The following NPNT variants were observed in gnomAD, a reference collection of about 807,000 sequenced individuals.
NPNT encodes preosteoblast EGF-like repeat protein with MAM domain.
Under a neutral mutation model 68.6 loss-of-function variants are expected in NPNT, and 45 were observed. That is an observed-to-expected ratio of 0.66 (90% CI 0.52 to 0.84). The LOEUF (loss-of-function observed/expected upper bound fraction) is 0.84, where lower values mean the gene tolerates loss of function less well. Among genes scored for constraint, NPNT ranks in the 40% least tolerant of loss-of-function variants. The probability of loss-of-function intolerance (pLI) is 0.00; values close to 1 mark genes in which losing one functional copy is unlikely to be tolerated. For synonymous variants in NPNT, 233 were observed against 253.3 expected (o/e 0.92, Z 0.76); for missense variants, 672 against 714.8 (o/e 0.94, Z 0.68).
intron 10 of NPNT, among the ~76,000 whole-genome samples, chr4:105,966,805 C>T (rs1732180585): frequency 6.6e-6 from 1 of 152,058 alleles, no homozygotes; most frequent in African/African-American, 2.4e-5. Context: ...TTTTACCAAA[C>T]CACCAAGCCA....
At chr4:105,902,465 G>A (rs1408364911) in intron 2 of NPNT, among the ~76,000 whole-genome samples, 2 of 152,152 alleles carry the variant, frequency 1.3e-5, no homozygotes, top group Non-Finnish European at 2.9e-5. Flanking sequence ...AGAATTCTGG[G>A]GCCAGCTTGG....
At chr4:105,916,524 G>A (rs1464924934) in intron 2 of NPNT, among the ~76,000 whole-genome samples, 1 of 151,918 alleles carries the variant, frequency 6.6e-6, no homozygotes, top group African/African-American at 2.4e-5. Context: ...ACCCAGCCAA[G>A]CACATTTATT....
chr4:105,910,065 T>TA (rs112201238), intron 2 of NPNT, among the ~76,000 whole-genome samples: 95 of 144,324 alleles, frequency 6.6e-4, no homozygotes, highest in Middle Eastern at 7.1e-3. Flanking sequence ...ACCTTTGGAT[T>TA]AAAAAAAAAA....
intron 2 of NPNT, among the ~76,000 whole-genome samples, chr4:105,901,176 G>C (rs1726388626): frequency 6.6e-6 from 1 of 151,920 alleles, no homozygotes; most frequent in Non-Finnish European, 1.5e-5. Flanking sequence ...GATTTTTCAG[G>C]GTTGCATATT....
intron 2 of NPNT, among the ~76,000 whole-genome samples, chr4:105,915,451 C>A (rs959871488): frequency 6.6e-6 from 1 of 152,060 alleles, no homozygotes; most frequent in Admixed American, 6.6e-5. Flanking sequence ...CTTACCTAAA[C>A]AGTCTGAGCT....
chr4:105,898,471 G>A lies in NPNT; in HGVS notation c.172+470G>A, dbSNP rs548205327. ...GGGGATAAGATAATGAGTCTAGACC[G>A]TATTTACACAAAATAAACTCTGAAC... On this transcript the variant is annotated intron_variant, in intron 2 of 11. Coordinates refer to ENST00000379987, the MANE Select transcript of NPNT (RefSeq NM_001033047.3). Among the ~76,000 whole-genome samples the A allele has an allele frequency of 1.4e-4, 21 of 151,658 alleles. No individual in the cohort carries two copies. The South Asian group carries it at 2.9e-3, about 21-fold the overall frequency.
intron 2 of NPNT, among the ~76,000 whole-genome samples, chr4:105,913,850 C>T (rs1727576218): frequency 6.6e-6 from 1 of 152,104 alleles, no homozygotes; most frequent in Admixed American, 6.5e-5. Context: ...CCGAGTGGAA[C>T]AGTTTTGGTT....
rs1230372815 is a variant in NPNT, at chr4:105,940,062, C to T, written c.506-13C>T. 13 of 1,611,486 alleles carry T rather than the reference C, an allele frequency of 8.1e-6. No homozygotes were observed. Among genetic ancestry groups the T allele is most frequent in the Non-Finnish European group, 1.1e-5 (13 of 1,178,128 alleles). Reference sequence around the variant, plus strand: ...CTTGCTCTTCCTAAAATGCTATTGACTTATGTTTCTAGATGTTGATGAATG... The same window carrying T: ...CTTGCTCTTCCTAAAATGCTATTGATTTATGTTTCTAGATGTTGATGAATG... On this transcript the variant is annotated splice_polypyrimidine_tract_variant and intron_variant, in intron 5 of 11. Transcript: ENST00000379987.
At chr4:105,927,766 C>A (rs954617668) in intron 3 of NPNT, among the ~76,000 whole-genome samples, 4 of 152,018 alleles carry the variant, frequency 2.6e-5, no homozygotes, top group African/African-American at 9.7e-5. Flanking sequence ...CACCTCAGAC[C>A]CCAGGTACTG....
rs1245462686 is a variant in NPNT, at chr4:105,895,646, G to A, written c.-7G>A. 1 of 1,550,092 alleles carries A rather than the reference G, an allele frequency of 6.5e-7. No individual in the cohort carries two copies. Among genetic ancestry groups the A allele is most frequent in the Non-Finnish European group, 8.7e-7 (1 of 1,146,922 alleles). On this transcript the variant is annotated 5_prime_UTR_variant, in exon 1 of 12. Coordinates refer to ENST00000379987, the MANE Select transcript of NPNT (RefSeq NM_001033047.3). ...ACTGCGCTGCGCCCCAGGACCCGCT[G>A]CCCAACATGGATTTTCTCCTGGCGC...
intron 1 of NPNT, 70 bp from the exon 2 acceptor site, chr4:105,897,831 A>T: frequency 8.1e-7 from 1 of 1,240,580 alleles, no homozygotes; most frequent in Non-Finnish European, 1.2e-6. Context: ...TTTCTGAAGT[A>T]ATAATACAGA....
intron 10 of NPNT, among the ~76,000 whole-genome samples, chr4:105,961,995 G>A (rs1731755328): frequency 6.6e-6 from 1 of 152,158 alleles, no homozygotes; most frequent in Non-Finnish European, 1.5e-5. Flanking sequence ...TCGAAGTTAT[G>A]GCTCATAGTC....
At chr4:105,954,542 C>T (rs1382073878) in intron 8 of NPNT, among the ~76,000 whole-genome samples, 8 of 152,094 alleles carry the variant, frequency 5.3e-5, no homozygotes, top group African/African-American at 9.7e-5. Flanking sequence ...CTTCAGAGGC[C>T]GCCAGTTTCC....
chr4:105,921,314 A>T (rs1327436228), intron 2 of NPNT, among the ~76,000 whole-genome samples: 1 of 152,148 alleles, frequency 6.6e-6, no homozygotes, highest in Admixed American at 6.6e-5. Flanking sequence ...TGGATTGAGC[A>T]TGGAACTGGG....
chr4:105,962,184 G>T (rs750350851), intron 10 of NPNT, among the ~76,000 whole-genome samples: 5 of 152,160 alleles, frequency 3.3e-5, no homozygotes, highest in Admixed American at 2.0e-4. Context: ...ATCCACTTTG[G>T]TTAAGTGGTG....
At position 105,945,257 on chromosome 4, in the gene NPNT, C is replaced by T. The variant is rs530040711; in HGVS notation, c.1159+2555C>T. ...AGAGCTTTTCCTTATAATGTATGTG[C>T]GTTGTTGCCCTGAGAAAAGACTGTA... On this transcript the variant is annotated intron_variant, in intron 8 of 11. Transcript: ENST00000379987. Among the ~76,000 whole-genome samples the T allele has an allele frequency of 7.2e-4, 109 of 152,070 alleles. 1 individual carries two copies. The highest frequency in any genetic ancestry group is 2.6e-3 in the African/African-American group (106 of 41,496).
intron 2 of NPNT, among the ~76,000 whole-genome samples, chr4:105,925,044 T>G (rs2149351480): frequency 6.6e-6 from 1 of 152,282 alleles, no homozygotes; most frequent in South Asian, 2.1e-4. Flanking sequence ...AGAATTTTTT[T>G]AAGCTGGTAT....
At chr4:105,907,708 A>G (rs1727025088) in intron 2 of NPNT, among the ~76,000 whole-genome samples, 1 of 152,216 alleles carries the variant, frequency 6.6e-6, no homozygotes. Flanking sequence ...GGTGCAAAAT[A>G]CACCAGTTAT....
At chr4:105,910,421 G>A (rs1295880764) in intron 2 of NPNT, among the ~76,000 whole-genome samples, 1 of 151,974 alleles carries the variant, frequency 6.6e-6, no homozygotes, top group Non-Finnish European at 1.5e-5. Flanking sequence ...AGATTATCAA[G>A]AGAAAATGAG....
Sources: allele counts gnomAD v4.1 joint callset (sites outside exome capture counted in the v4.1 genomes callset), GRCh38; gene constraint gnomAD v4.1.1; transcripts MANE v1.5; gene names NCBI Gene and HGNC (gene_info 2026-07-23, HGNC 2026-07-21).